The following TUBB3 variants were observed in gnomAD, a reference collection of about 807,000 sequenced individuals.
The protein encoded by TUBB3 is tubulin beta 3 class III, also known as tubulin beta-3 chain.
In TUBB3, 17 loss-of-function variants were observed where a neutral mutation model predicts 37.8. The ratio of observed to expected loss-of-function variants is 0.45; its 90% confidence interval spans 0.31 to 0.67. TUBB3 has a LOEUF of 0.67. Among genes scored for constraint, TUBB3 ranks in the 30% least tolerant of loss-of-function variants. The pLI, the probability that TUBB3 is intolerant of heterozygous loss-of-function variation, is 0.07. For synonymous variants in TUBB3, 332 were observed against 278.9 expected (o/e 1.19, Z -1.90); for missense variants, 262 against 657.9 (o/e 0.40, Z 6.58).
rs149337680 is a variant in TUBB3 at position 89,935,634 on chromosome 16, C to T, written c.1183C>T (p.Leu395=). 3 of 1,613,684 alleles carry T rather than the reference C, an allele frequency of 1.9e-6. No homozygotes were observed. The African/African-American group carries it at 4.0e-5, about 22-fold the overall frequency. The change falls in exon 4 of 4, where the codon CTG becomes TTG. Residue 395 remains leucine, a synonymous_variant. Transcript: ENST00000315491. ...FTAMFRRKAF[L]HWYTGEGMDE... is the part of the protein sequence containing the mutation. Reference sequence around the variant, plus strand: ...GGCCATGTTCCGGCGCAAGGCCTTCCTGCACTGGTACACGGGCGAGGGCAT... The same window carrying T: ...GGCCATGTTCCGGCGCAAGGCCTTCTTGCACTGGTACACGGGCGAGGGCAT...
rs1192449954 is a variant in TUBB3 at position 89,933,267 on chromosome 16, C to T, written c.167-201C>T. On this transcript the variant is annotated intron_variant, in intron 2 of 3. Coordinates refer to ENST00000315491, the MANE Select transcript of TUBB3 (RefSeq NM_006086.4). ...TCCTGCCTGTCCTGCTCCGTCCTGT[C>T]CTGCTCCGTCCTTAAACACAGTGAG... is the stretch of plus-strand genomic sequence containing the variant. 8.5e-6 allele frequency: 6 copies of T among 708,452 alleles called. No homozygotes were observed. The East Asian group carries it at 1.3e-4, about 16-fold the overall frequency. 43.9% of individuals were successfully genotyped at this position (708,452 alleles called of 1,614,324 possible).
At chr16:89,932,448 C>T in intron 1 of TUBB3, 123 bp from the exon 2 acceptor site, 2 of 753,642 alleles carry the variant, frequency 2.7e-6, no homozygotes, top group Non-Finnish European at 4.7e-6. Context: ...CTGAATGGGG[C>T]TCGTGGAGGC....
intron 1 of TUBB3, among the ~76,000 whole-genome samples, chr16:89,927,545 G>A (rs1331328620): frequency 6.6e-6 from 1 of 152,078 alleles, no homozygotes; most frequent in Non-Finnish European, 1.5e-5. Context: ...ATCCAAGTGG[G>A]AACAAATTTC....
Position 89,923,469 on chromosome 16 carries a change from G to C in TUBB3, c.57+11G>C. ...CAGATCGGGGCCAAGGTGAGGCTGCGCGCCCCGGCCTGTCCCGGGCCCCGG... is the reference window on the plus strand; with the variant it reads ...CAGATCGGGGCCAAGGTGAGGCTGCCCGCCCCGGCCTGTCCCGGGCCCCGG... On this transcript the variant is annotated intron_variant, in intron 1 of 3. Coordinates refer to ENST00000315491, the MANE Select transcript of TUBB3 (RefSeq NM_006086.4). The C allele has an allele frequency of 6.8e-7, 1 of 1,480,710 alleles. No homozygotes were observed. The highest frequency in any genetic ancestry group is 9.0e-7 in the Non-Finnish European group (1 of 1,114,062). The allele number at this position is 1,480,710 out of a possible 1,614,324, so 91.7% of individuals were successfully genotyped here.
chr16:89,933,203 C>A lies in TUBB3; in HGVS notation c.167-265C>A, dbSNP rs1202489865. Reference sequence around the variant, plus strand: ...TTGGCCTCCCAAAGTGTTGGGAGTGCAGACACGAGCCCCTGCATCTGGTGG... The same window carrying A: ...TTGGCCTCCCAAAGTGTTGGGAGTGAAGACACGAGCCCCTGCATCTGGTGG... On this transcript the variant is annotated intron_variant, in intron 2 of 3. Transcript: ENST00000315491. 7 of 673,716 alleles carry A rather than the reference C, an allele frequency of 1.0e-5. No individual in the cohort carries two copies. The Admixed American group carries it at 1.4e-4, about 14-fold the overall frequency. 41.7% of individuals were successfully genotyped at this position (673,716 alleles called of 1,614,324 possible).
chr16:89,934,818 G>C lies in TUBB3; in HGVS notation c.367G>C (p.Glu123Gln). 1 of 1,614,176 alleles carries C rather than the reference G, an allele frequency of 6.2e-7. No individual in the cohort carries two copies. The highest frequency in any genetic ancestry group is 8.5e-7 in the Non-Finnish European group (1 of 1,180,016). Reference protein sequence around the residue: ...VDSVLDVVRKECENCDCLQGF... With the variant: ...VDSVLDVVRKQCENCDCLQGF... ...TTCGGTCCTGGATGTGGTGCGGAAG[G>C]AGTGTGAAAACTGCGACTGCCTGCA... The change falls in exon 4 of 4, where the codon GAG (glutamate) becomes CAG (glutamine). Residue 123 changes from glutamate to glutamine, a missense_variant. This residue lies in a region of TUBB3 where 165 missense variants were observed against 556.8 expected (regional missense o/e 0.30). Transcript: ENST00000315491.
chr16:89,926,248 C>G (rs992673492), intron 1 of TUBB3, among the ~76,000 whole-genome samples: 1 of 152,066 alleles, frequency 6.6e-6, no homozygotes, highest in Non-Finnish European at 1.5e-5. Flanking sequence ...ACCGCCTCCT[C>G]GCGGCTGCGG....
Position 89,935,734 on chromosome 16 carries a change from C to T in TUBB3, c.1283C>T (p.Ala428Val), listed in dbSNP as rs1274135920. The change falls in exon 4 of 4, where the codon GCC becomes GTC. Residue 428 changes from alanine (A) to valine (V), a missense_variant. Around this residue, in one of 3 missense-constraint regions of TUBB3, gnomAD observed 165 missense variants for 556.8 expected, o/e 0.30. Transcript: ENST00000315491. Reference protein sequence around the residue: ...LVSEYQQYQDATAEEEGEMYE... With the variant: ...LVSEYQQYQDVTAEEEGEMYE... ...TCCGAGTACCAGCAGTACCAGGACG[C>T]CACGGCCGAGGAAGAGGGCGAGATG... 6.2e-7 allele frequency: 1 copy of T among 1,613,930 alleles called. No individual in the cohort carries two copies.
intron 1 of TUBB3, among the ~76,000 whole-genome samples, chr16:89,928,734 C>T (rs2030174688): frequency 6.6e-6 from 1 of 151,978 alleles, no homozygotes; most frequent in Non-Finnish European, 1.5e-5. Flanking sequence ...CTGTGCCAGC[C>T]AGGATGGTCT....
Position 89,935,901 on chromosome 16 carries a change from TC to T in TUBB3, c.*101del. 1 of 1,458,394 alleles carries T rather than the reference TC, an allele frequency of 6.9e-7. No individual in the cohort carries two copies. 90.3% of individuals were successfully genotyped at this position (1,458,394 alleles called of 1,614,324 possible). The stretch of plus-strand genomic sequence containing the variant: ...CCATCTTGCTGCCGACACCCTGCTT[TC>T]CCCTCGCCCTAGGGCTCCCTTGCCG... On this transcript the variant is annotated 3_prime_UTR_variant, in exon 4 of 4. Coordinates refer to ENST00000315491, the MANE Select transcript of TUBB3 (RefSeq NM_006086.4).
At chr16:89,926,317 C>A (rs888833401) in intron 1 of TUBB3, among the ~76,000 whole-genome samples, 2 of 152,200 alleles carry the variant, frequency 1.3e-5, no homozygotes, top group Non-Finnish European at 2.9e-5. Context: ...GTCCCTGGCT[C>A]GCCCCGCCCT....
intron 1 of TUBB3, among the ~76,000 whole-genome samples, chr16:89,926,487 C>A (rs565392974): frequency 6.6e-6 from 1 of 152,266 alleles, no homozygotes; most frequent in African/African-American, 2.4e-5. Flanking sequence ...TCCCCAGGAC[C>A]CCAAGCGCTG....
At chr16:89,930,051 CCTTCCTTCCT>C (rs1419277303) in intron 1 of TUBB3, among the ~76,000 whole-genome samples, 4 of 129,412 alleles carry the variant, frequency 3.1e-5, no homozygotes, top group South Asian at 2.3e-4. Flanking sequence ...TTCCTTCCTT[CCTTCCTTCCT>C]CTCTCTCTCT....
chr16:89,932,270 C>A (rs1178511758), intron 1 of TUBB3, among the ~76,000 whole-genome samples: 1 of 152,260 alleles, frequency 6.6e-6, no homozygotes. Flanking sequence ...GAGGAATCCG[C>A]TGCTCCAGGC....
At chr16:89,925,427 T>TAAAAA (rs36088141) in intron 1 of TUBB3, among the ~76,000 whole-genome samples, 3 of 137,134 alleles carry the variant, frequency 2.2e-5, no homozygotes, top group African/African-American at 8.2e-5. Flanking sequence ...CTCCGTTTCT[T>TAAAAA]AAAAAAAAAA....
At chr16:89,931,925 G>A in intron 1 of TUBB3, 1 of 349,204 alleles carries the variant, frequency 2.9e-6, no homozygotes, top group Non-Finnish European at 5.9e-6. Flanking sequence ...ACACGGACAG[G>A]CTGGGTGACC....
chr16:89,934,820 G>T lies in TUBB3; in HGVS notation c.369G>T (p.Glu123Asp). The change falls in exon 4 of 4, where the codon GAG becomes GAT. Residue 123 changes from glutamate to aspartate, a missense_variant. Around this residue, in one of 3 missense-constraint regions of TUBB3, gnomAD observed 165 missense variants for 556.8 expected, o/e 0.30. Coordinates refer to ENST00000315491, the MANE Select transcript of TUBB3 (RefSeq NM_006086.4). ...VDSVLDVVRK[E>D]CENCDCLQGF... ...CGGTCCTGGATGTGGTGCGGAAGGAGTGTGAAAACTGCGACTGCCTGCAGG... is the reference window on the plus strand; with the variant it reads ...CGGTCCTGGATGTGGTGCGGAAGGATTGTGAAAACTGCGACTGCCTGCAGG... The T allele has an allele frequency of 6.2e-7, 1 of 1,614,180 alleles. No individual in the cohort carries two copies. The highest frequency in any genetic ancestry group is 8.5e-7 in the Non-Finnish European group (1 of 1,180,020).
chr16:89,935,648 G>A lies in TUBB3; in HGVS notation c.1197G>A (p.Thr399=), dbSNP rs371418131. 414 of 1,613,652 alleles carry A rather than the reference G, an allele frequency of 2.6e-4. 1 individual carries two copies. The highest frequency in any genetic ancestry group is 3.3e-4 in the Non-Finnish European group (390 of 1,179,910). Residue 399 remains threonine (T), a synonymous_variant, in exon 4 of 4, where the codon ACG becomes ACA. Coordinates refer to ENST00000315491, the MANE Select transcript of TUBB3 (RefSeq NM_006086.4). ...FRRKAFLHWY[T]GEGMDEMEFT... is the part of the protein sequence containing the mutation. ...GCAAGGCCTTCCTGCACTGGTACAC[G>A]GGCGAGGGCATGGACGAGATGGAGT...
chr16:89,928,626 G>A lies in TUBB3; in HGVS notation c.58-3945G>A, dbSNP rs139920766. Among the ~76,000 whole-genome samples the A allele has an allele frequency of 4.3e-3, 646 of 151,486 alleles. 7 individuals are homozygous for A. The highest frequency in any genetic ancestry group is 0.015 in the African/African-American group (601 of 41,220). On this transcript the variant is annotated intron_variant, in intron 1 of 3. Coordinates refer to ENST00000315491, the MANE Select transcript of TUBB3 (RefSeq NM_006086.4). ...TGCAAGCTCCGCCTCCCAGGTTCAC[G>A]CCATTCTCCTGAGTCAGCCTCCCAA...
Sources: allele counts gnomAD v4.1 joint callset (sites outside exome capture counted in the v4.1 genomes callset), GRCh38; gene constraint gnomAD v4.1.1; regional missense constraint gnomAD v4.1.1; transcripts MANE v1.5; gene names NCBI Gene and HGNC (gene_info 2026-07-23, HGNC 2026-07-21).